CYB561D2: variants seen among roughly 807,000 people sequenced by gnomAD.
CYB561D2 encodes the protein cytochrome b561 family member D2.
CYB561D2 carries 16 observed loss-of-function variants against 20.2 expected under a neutral mutation model. That is an observed-to-expected ratio of 0.79 (90% CI 0.53 to 1.20). The LOEUF (loss-of-function observed/expected upper bound fraction) is 1.20. Among genes scored for constraint, CYB561D2 ranks in the 50% most tolerant of loss-of-function variants. The pLI is 0.00. For missense variants in CYB561D2, 247 were observed against 270.3 expected, an observed-to-expected ratio of 0.91 and a Z score of 0.60; for synonymous variants, 135 against 128.3, an observed-to-expected ratio of 1.05 and a Z score of -0.35.
At position 50,353,520 on chromosome 3, in the gene CYB561D2, C is replaced by T. The variant is rs144229237; in HGVS notation, c.445C>T (p.Arg149Ter). ...GCTGCTCTACCCCAAGCTGCTGCCC[C>T]GATGGCCCCTGGCGAAGCTCAAGCT... ...VGLLYPKLLP[R>*]WPLAKLKLYH... Residue 149 changes from arginine to a stop codon, truncating the protein, a stop_gained, in exon 4 of 4, where the codon CGA becomes TGA. Transcript: ENST00000425346. LOFTEE classifies it high-confidence loss of function. 7.5e-5 allele frequency: 121 copies of T among 1,613,642 alleles called. No individual in the cohort carries two copies. Among genetic ancestry groups the T allele is most frequent in the Middle Eastern group, 1.7e-4 (1 of 6,052 alleles).
rs1373861866 is a variant in CYB561D2, at chr3:50,353,647, C to A, written c.572C>A (p.Ala191Asp). Reference protein sequence around the residue: ...LWFTASVTGAAWYLAVLCPVL... With the variant: ...LWFTASVTGADWYLAVLCPVL... ...TTCACTGCCTCTGTCACTGGTGCAG[C>A]CTGGTACCTGGCTGTATTATGCCCT... The change falls in exon 4 of 4, where the codon GCC (alanine) becomes GAC (aspartate). Residue 191 changes from alanine to aspartate, a missense_variant. Physicochemically the swap from Ala to Asp is moderately radical, Grantham distance 126. Transcript: ENST00000425346. 5.0e-6 allele frequency: 8 copies of A among 1,613,500 alleles called. No individual in the cohort carries two copies. Among genetic ancestry groups the A allele is most frequent in the Non-Finnish European group, 5.1e-6 (6 of 1,180,028 alleles).
chr3:50,351,036 T>C, intron 1 of CYB561D2, 52 bp downstream of exon 1: 2 of 596,306 alleles, frequency 3.4e-6, no homozygotes, highest in Non-Finnish European at 5.1e-6. Context: ...GGGGAGGCGG[T>C]GCGCTAAGGG....
Position 50,351,295 on chromosome 3 carries a change from C to A in CYB561D2, c.-25-114C>A, listed in dbSNP as rs587658086. On this transcript the variant is annotated intron_variant, in intron 1 of 3. Transcript: ENST00000425346. Reference sequence around the variant, plus strand: ...TCCTGGTGCTGGTCTTGGTACTGTTCTTTCCTACCATAACTTATTGGAAGA... The same window carrying A: ...TCCTGGTGCTGGTCTTGGTACTGTTATTTCCTACCATAACTTATTGGAAGA... 6.5e-6 allele frequency: 8 copies of A among 1,221,606 alleles called. No homozygotes were observed. In the East Asian group the frequency reaches 1.3e-4, roughly 19 times the overall value. The allele number at this position is 1,221,606 out of a possible 1,614,324, so 75.7% of individuals were successfully genotyped here.
intron 3 of CYB561D2, among the ~76,000 whole-genome samples, chr3:50,352,707 A>AAG (rs1553723071): frequency 7.3e-5 from 11 of 150,598 alleles, no homozygotes; most frequent in Non-Finnish European, 3.0e-5. Flanking sequence ...AAAAAAAAAA[A>AAG]GAGACTTGAA....
Position 50,350,903 on chromosome 3 carries a change from G to C in CYB561D2, c.-107G>C, listed in dbSNP as rs1703737636. 7.2e-7 allele frequency: 1 copy of C among 1,396,034 alleles called. No homozygotes were observed. The highest frequency in any genetic ancestry group is 9.3e-7 in the Non-Finnish European group (1 of 1,080,472). 86.5% of individuals were successfully genotyped at this position (1,396,034 alleles called of 1,614,324 possible). A position where few individuals can be genotyped will look rare whatever the true frequency, so the allele number is the denominator to read the frequency against. On this transcript the variant is annotated 5_prime_UTR_variant, in exon 1 of 4. Transcript: ENST00000425346. The surrounding 1 kb of genome is among the most constrained non-coding windows in gnomAD (Gnocchi z 5.7). ...AGTAAAGCGGCTCCGTGACGGAGCG[G>C]CGGTGCGCGCGGCAGGGCCCGGAGT...
In CYB561D2 at chr3:50,353,586, A is replaced by G. The variant is rs182965524; in HGVS notation, c.511A>G (p.Ser171Gly). The G allele has an allele frequency of 2.1e-4, 344 of 1,613,766 alleles. 2 individuals carry two copies. The East Asian group carries it at 7.0e-3, about 33-fold the overall frequency. ...TGGGCTGGTGGGCTACCTGCTGGGT[A>G]GTGCCAGCCTCTTGCTGGGCATGTG... Reference protein sequence around the residue: ...TSGLVGYLLGSASLLLGMCSL... With the variant: ...TSGLVGYLLGGASLLLGMCSL... Residue 171 changes from serine (S) to glycine (G), a missense_variant, in exon 4 of 4, where the codon AGT (serine) becomes GGT (glycine). Transcript: ENST00000425346.
chr3:50,351,491 G>A lies in CYB561D2; in HGVS notation c.58G>A (p.Gly20Ser). 6.2e-7 allele frequency: 1 copy of A among 1,613,816 alleles called. No homozygotes were observed. The highest frequency in any genetic ancestry group is 8.5e-7 in the Non-Finnish European group (1 of 1,180,014). ...CTACCGAGCTCTGCGTACTGCTTCT[G>A]GCGCTGCCGCCCACCTTGTGGCCCT... ...HIYRALRTAS[G>S]AAAHLVALGF... The change falls in exon 2 of 4, where the codon GGC becomes AGC. Residue 20 changes from glycine (G) to serine (S), a missense_variant. Coordinates refer to ENST00000425346, the MANE Select transcript of CYB561D2 (RefSeq NM_001291284.2).
intron 3 of CYB561D2, among the ~76,000 whole-genome samples, chr3:50,353,000 AC>A (rs1303642451): frequency 6.6e-6 from 1 of 152,200 alleles, no homozygotes; most frequent in Non-Finnish European, 1.5e-5. Context: ...TTGGTAACAT[AC>A]GACAGATGAC....
chr3:50,351,629 G>A, intron 2 of CYB561D2, 69 bp downstream of exon 2: 1 of 1,563,072 alleles, frequency 6.4e-7, no homozygotes, highest in Non-Finnish European at 8.7e-7. Context: ...AGGGCAGTGG[G>A]ACTTCCGGGA....
rs757813057 is a variant in CYB561D2, at chr3:50,353,323, C to G, written c.248C>G (p.Ala83Gly). 6 of 1,610,318 alleles carry G rather than the reference C, an allele frequency of 3.7e-6. No individual in the cohort carries two copies. The South Asian group carries it at 6.6e-5, about 18-fold the overall frequency. ...LLHSLSRKGRARCHWVLQLLA... is the reference protein window; with the variant it reads ...LLHSLSRKGRGRCHWVLQLLA... ...CACTCCCTCTCACGGAAAGGCCGAGCACGCTGCCACTGGGTGCTGCAGCTG... is the reference window on the plus strand; with the variant it reads ...CACTCCCTCTCACGGAAAGGCCGAGGACGCTGCCACTGGGTGCTGCAGCTG... Residue 83 changes from alanine (A) to glycine (G), a missense_variant, in exon 4 of 4, where the codon GCA becomes GGA. Physicochemically the swap from Ala to Gly is moderately conservative, Grantham distance 60 (BLOSUM62 0). Transcript: ENST00000425346.
Position 50,351,416 on chromosome 3 carries a change from C to T in CYB561D2, c.-18C>T. 1 of 1,612,036 alleles carries T rather than the reference C, an allele frequency of 6.2e-7. No individual in the cohort carries two copies. Among genetic ancestry groups the T allele is most frequent in the Non-Finnish European group, 8.5e-7 (1 of 1,178,826 alleles). On this transcript the variant is annotated 5_prime_UTR_variant, in exon 2 of 4. Transcript: ENST00000425346. ...ACGCTACTATGCTTTCAGGCTACAA[C>T]CACTAGCACGGCTGACGATGGCCCT...
chr3:50,351,376 C>A (rs1012494666), intron 1 of CYB561D2, 33 bp from the exon 2 acceptor site: 3 of 1,588,802 alleles, frequency 1.9e-6, no homozygotes, highest in Admixed American at 1.7e-5. Flanking sequence ...CAGTGGGCAC[C>A]TGAGATCCTG....
In CYB561D2 at chr3:50,353,443, C is replaced by A; in HGVS notation, c.368C>A (p.Ala123Glu). Residue 123 changes from alanine (A) to glutamate (E), a missense_variant, in exon 4 of 4, where the codon GCA becomes GAA. Transcript: ENST00000425346. ...CACCTGGTTACGCGGCATGGGCAGGCAGGGCTGCTGGCTGTGCTGTGGGCA... is the reference window on the plus strand; with the variant it reads ...CACCTGGTTACGCGGCATGGGCAGGAAGGGCTGCTGGCTGTGCTGTGGGCA... ...KAHLVTRHGQ[A>E]GLLAVLWAGL... 1 of 1,613,154 alleles carries A rather than the reference C, an allele frequency of 6.2e-7. No homozygotes were observed. The highest frequency in any genetic ancestry group is 2.2e-5 in the East Asian group (1 of 44,890).
rs1223947980 is a variant in CYB561D2, at chr3:50,351,602, A to G, written c.127+42A>G. ...GCTGACTTCTGGGAAGGGAAGGGCC[A>G]CTGTTCCTGGGGAGGAAGGGCAGTG... On this transcript the variant is annotated intron_variant, in intron 2 of 3. Transcript: ENST00000425346. The G allele has an allele frequency of 3.8e-6, 6 of 1,593,946 alleles. No homozygotes were observed. The Admixed American group carries it at 5.1e-5, about 14-fold the overall frequency.
In CYB561D2 at chr3:50,353,706, A is replaced by G. The variant is rs1480012675; in HGVS notation, c.631A>G (p.Ser211Gly). Residue 211 changes from serine (S) to glycine (G), a missense_variant, in exon 4 of 4, where the codon AGC becomes GGC. Transcript: ENST00000425346. Reference protein sequence around the residue: ...LTSLVIMNQVSNAYLYRKRIQ... With the variant: ...LTSLVIMNQVGNAYLYRKRIQ... ...CAGCTTGGTCATTATGAACCAGGTG[A>G]GCAATGCCTACCTATACCGCAAGAG... The G allele has an allele frequency of 6.2e-7, 1 of 1,611,580 alleles. No individual in the cohort carries two copies. The highest frequency in any genetic ancestry group is 2.2e-5 in the East Asian group (1 of 44,854).
At chr3:50,352,517 A>C (rs986568440) in intron 3 of CYB561D2, among the ~76,000 whole-genome samples, 6 of 148,098 alleles carry the variant, frequency 4.1e-5, no homozygotes, top group Non-Finnish European at 8.9e-5. Flanking sequence ...AAACAAAAAA[A>C]CCCCCCAAAA....
rs954021616 is a variant in CYB561D2 at position 50,353,755 on chromosome 3, G to A, written c.*11G>A. 1.3e-6 allele frequency: 2 copies of A among 1,576,624 alleles called. No homozygotes were observed. Among genetic ancestry groups the A allele is most frequent in the South Asian group, 1.1e-5 (1 of 87,350 alleles). ...AGGATCCAACCATGAGCTCTTCCCA[G>A]CCTAGGGGAAGCCTGGATTTGCCCC... On this transcript the variant is annotated 3_prime_UTR_variant, in exon 4 of 4. Coordinates refer to ENST00000425346, the MANE Select transcript of CYB561D2 (RefSeq NM_001291284.2).
rs375562029 is a variant in CYB561D2 at position 50,353,724 on chromosome 3, C to T, written c.649C>T (p.Arg217Cys). Residue 217 changes from arginine (R) to cysteine (C), a missense_variant, in exon 4 of 4, where the codon CGC (arginine) becomes TGC (cysteine). Physicochemically the swap from Arg to Cys is radical, Grantham distance 180. Transcript: ENST00000425346. ...MNQVSNAYLY[R>C]KRIQP ...CCAGGTGAGCAATGCCTACCTATAC[C>T]GCAAGAGGATCCAACCATGAGCTCT... The T allele has an allele frequency of 6.9e-6, 11 of 1,602,174 alleles. No individual in the cohort carries two copies. Among genetic ancestry groups the T allele is most frequent in the East Asian group, 2.2e-5 (1 of 44,612 alleles).
chr3:50,353,351 G>A lies in CYB561D2; in HGVS notation c.276G>A (p.Leu92=). The change falls in exon 4 of 4, where the codon CTG becomes CTA. Residue 92 remains leucine (L), a synonymous_variant. Transcript: ENST00000425346. Reference sequence around the variant, plus strand: ...GCTGCCACTGGGTGCTGCAGCTGCTGGCCCTGCTGTGTGCACTGCTGGGCC... The same window carrying A: ...GCTGCCACTGGGTGCTGCAGCTGCTAGCCCTGCTGTGTGCACTGCTGGGCC... ...RARCHWVLQL[L]ALLCALLGLG... 1 of 1,613,302 alleles carries A rather than the reference G, an allele frequency of 6.2e-7. No individual in the cohort carries two copies.
Sources: allele counts gnomAD v4.1 joint callset (sites outside exome capture counted in the v4.1 genomes callset), GRCh38; gene constraint gnomAD v4.1.1; non-coding constraint Gnocchi (gnomAD v3.1); transcripts MANE v1.5; gene names NCBI Gene and HGNC (gene_info 2026-07-23, HGNC 2026-07-21).